GTF2H5: variants seen among roughly 807,000 people sequenced by gnomAD.
GTF2H5 encodes the protein TFB5 ortholog.
Under a neutral mutation model 7.1 loss-of-function variants are expected in GTF2H5, and 5 were observed. That is an observed-to-expected ratio of 0.71 (90% CI 0.37 to 1.49). GTF2H5 has a LOEUF of 1.49. Ranked by LOEUF, GTF2H5 falls within the 40% of genes most tolerant of loss-of-function variation. The probability of loss-of-function intolerance (pLI) is 0.03; values close to 1 mark genes in which losing one functional copy is unlikely to be tolerated. For synonymous variants in GTF2H5, 30 were observed against 31.7 expected, an observed-to-expected ratio of 0.95 and a Z score of 0.18; for missense variants, 80 against 83.0, an observed-to-expected ratio of 0.96 and a Z score of 0.14.
chr6:158,169,439 ATATATAT>A lies in GTF2H5; in HGVS notation c.-34-1016_-34-1010del, dbSNP rs1345280158. ...TATTATATATAATATATTGTATATT[ATATATAT>A]TATATATTATATATATTATATTGTA... On this transcript the variant is annotated intron_variant, in intron 1 of 2. Coordinates refer to ENST00000607778, the MANE Select transcript of GTF2H5 (RefSeq NM_207118.3). Among the ~76,000 whole-genome samples, 435 of 57,086 alleles carry A rather than the reference ATATATAT, an allele frequency of 7.6e-3. 47 individuals are homozygous for A. Among genetic ancestry groups the A allele is most frequent in the African/African-American group, 0.041 (396 of 9,676 alleles). 37.5% of individuals were successfully genotyped at this position (57,086 alleles called of 152,430 possible).
chr6:158,191,777 C>T (rs781641950), intron 2 of GTF2H5, among the ~76,000 whole-genome samples, 200 bp from the exon 3 acceptor site: 9 of 152,160 alleles, frequency 5.9e-5, no homozygotes, highest in Non-Finnish European at 1.0e-4. Flanking sequence ...CCATCGCACC[C>T]GGCCAACTTA....
At chr6:158,169,667 GTATATTATATAATA>G (rs1477596649) in intron 1 of GTF2H5, among the ~76,000 whole-genome samples, 10 of 51,202 alleles carry the variant, frequency 2.0e-4, no homozygotes, top group African/African-American at 8.5e-4. Flanking sequence ...ATAATATATT[GTATATTATATAATA>G]TATAATATAT....
rs547838370 is a variant in GTF2H5 at position 158,192,550 on chromosome 6, A to C, written c.*393A>C. 3.9e-6 allele frequency: 1 copy of C among 256,742 alleles called. No individual in the cohort carries two copies. Among genetic ancestry groups the C allele is most frequent in the East Asian group, 1.0e-4 (1 of 9,986 alleles). The allele number at this position is 256,742 out of a possible 1,614,324, so 15.9% of individuals were successfully genotyped here. On this transcript the variant is annotated 3_prime_UTR_variant, in exon 3 of 3. Coordinates refer to ENST00000607778, the MANE Select transcript of GTF2H5 (RefSeq NM_207118.3). The stretch of plus-strand genomic sequence containing the variant: ...AGAAACGTCATAGATTTGCTGTTTG[A>C]ATATGCCAAGGTGGGGACTTAGACA...
At chr6:158,171,444 G>A (rs567682755) in intron 2 of GTF2H5, among the ~76,000 whole-genome samples, 5 of 152,330 alleles carry the variant, frequency 3.3e-5, no homozygotes, top group Admixed American at 3.3e-4. Flanking sequence ...GCATAGTGCA[G>A]ATTTGGAGTT....
chr6:158,170,390 G>A, intron 1 of GTF2H5, 80 bp from the exon 2 acceptor site: 1 of 770,934 alleles, frequency 1.3e-6, no homozygotes, highest in Non-Finnish European at 2.3e-6. Context: ...TAATTATTTT[G>A]CCTCGTTTCA....
At chr6:158,170,421 A>G (rs867457560) in intron 1 of GTF2H5, 49 bp from the exon 2 acceptor site, 4 of 1,112,476 alleles carry the variant, frequency 3.6e-6, no homozygotes, top group Admixed American at 3.5e-5. Context: ...CCCAAAGTAT[A>G]TGAAAGTTAA....
Position 158,197,299 on chromosome 6 carries a change from C to T in GTF2H5, c.*5142C>T, listed in dbSNP as rs1286507507. 1.0e-5 allele frequency: 2 copies of T among 195,408 alleles called. No homozygotes were observed. The highest frequency in any genetic ancestry group is 2.4e-5 in the African/African-American group (1 of 42,114). 12.1% of individuals were successfully genotyped at this position (195,408 alleles called of 1,614,324 possible). A position where few individuals can be genotyped will look rare whatever the true frequency, so the allele number is the denominator to read the frequency against. On this transcript the variant is annotated 3_prime_UTR_variant, in exon 3 of 3. Transcript: ENST00000607778. ...AATGCAGAAAGAAAAGCACAGTCGTCATGCAAAATAGTCACTACTCATTCA... is the reference window on the plus strand; with the variant it reads ...AATGCAGAAAGAAAAGCACAGTCGTTATGCAAAATAGTCACTACTCATTCA...
intron 2 of GTF2H5, among the ~76,000 whole-genome samples, chr6:158,175,694 G>A (rs939676463): frequency 3.3e-5 from 5 of 152,024 alleles, no homozygotes; most frequent in African/African-American, 1.2e-4. Flanking sequence ...AACCCAAGAG[G>A]CAGAGGTTGC....
In GTF2H5 at chr6:158,197,818, T is replaced by C. The variant is rs1206073034; in HGVS notation, c.*5661T>C. The C allele has an allele frequency of 6.6e-6, 1 of 152,124 alleles. No homozygotes were observed. The highest frequency in any genetic ancestry group is 6.6e-5 in the Admixed American group (1 of 15,266). 9.4% of individuals were successfully genotyped at this position (152,124 alleles called of 1,614,324 possible). A position where few individuals can be genotyped will look rare whatever the true frequency, so the allele number is the denominator to read the frequency against. The stretch of plus-strand genomic sequence containing the variant: ...TCCTGATTTGGCTCCTTCTGACTTC[T>C]TTTTGTTTCCCAATCTTAAAAAAAT... On this transcript the variant is annotated 3_prime_UTR_variant, in exon 3 of 3. Coordinates refer to ENST00000607778, the MANE Select transcript of GTF2H5 (RefSeq NM_207118.3).
At chr6:158,186,130 A>G (rs1776918161) in intron 2 of GTF2H5, among the ~76,000 whole-genome samples, 1 of 152,242 alleles carries the variant, frequency 6.6e-6, no homozygotes, top group African/African-American at 2.4e-5. Context: ...TTAAAGAAAA[A>G]TATTAAGTGA....
At chr6:158,170,601 G>A (rs1023556771) in intron 2 of GTF2H5, 63 bp downstream of exon 2, 7 of 1,142,198 alleles carry the variant, frequency 6.1e-6, no homozygotes, top group Admixed American at 5.1e-5. Flanking sequence ...TTGTATGTAT[G>A]TCTTTTCTAA....
intron 2 of GTF2H5, among the ~76,000 whole-genome samples, chr6:158,175,603 A>G (rs1309936118): frequency 1.3e-5 from 2 of 152,142 alleles, no homozygotes; most frequent in Admixed American, 6.5e-5. Flanking sequence ...GTCTCTACTA[A>G]AAATACAAAA....
chr6:158,169,745 T>TAA (rs374070331), intron 1 of GTF2H5, among the ~76,000 whole-genome samples: 1,935 of 54,040 alleles, frequency 0.036, 220 homozygotes, highest in African/African-American at 0.089. Flanking sequence ...ATATTATATA[T>TAA]TATATAATAT....
chr6:158,181,436 C>T (rs894251360), intron 2 of GTF2H5, among the ~76,000 whole-genome samples: 11 of 152,136 alleles, frequency 7.2e-5, no homozygotes, highest in African/African-American at 2.7e-4. Flanking sequence ...TGTTAATTTT[C>T]TGTCTCATTG....
intron 1 of GTF2H5, among the ~76,000 whole-genome samples, chr6:158,169,443 A>G (rs1184137626): frequency 2.4e-5 from 2 of 82,156 alleles, no homozygotes; most frequent in African/African-American, 5.9e-5. Context: ...TATATTATAT[A>G]TATTATATAT....
In GTF2H5 at chr6:158,199,183, G is replaced by A. The variant is rs1251364850; in HGVS notation, c.*7026G>A. The A allele has an allele frequency of 6.6e-6, 1 of 151,398 alleles. No individual in the cohort carries two copies. The highest frequency in any genetic ancestry group is 1.5e-5 in the Non-Finnish European group (1 of 68,008). 9.4% of individuals were successfully genotyped at this position (151,398 alleles called of 1,614,324 possible). On this transcript the variant is annotated 3_prime_UTR_variant, in exon 3 of 3. Coordinates refer to ENST00000607778, the MANE Select transcript of GTF2H5 (RefSeq NM_207118.3). Reference sequence around the variant, plus strand: ...TTTAATCTTGGCTACTGAGCTTTTGGTTACGTTGCACTCCCTTTAAAATTA... The same window carrying A: ...TTTAATCTTGGCTACTGAGCTTTTGATTACGTTGCACTCCCTTTAAAATTA...
chr6:158,174,219 C>T (rs945800887), intron 2 of GTF2H5, among the ~76,000 whole-genome samples: 2 of 152,114 alleles, frequency 1.3e-5, no homozygotes, highest in African/African-American at 2.4e-5. Flanking sequence ...TCTCCAAATT[C>T]CAGTCCCATC....
At position 158,173,320 on chromosome 6, in the gene GTF2H5, A is replaced by G. The variant is rs144799219; in HGVS notation, c.35+2782A>G. 5.9e-3 allele frequency among the ~76,000 whole-genome samples: 902 copies of G among 152,312 alleles called. 7 individuals are homozygous for G. Among genetic ancestry groups the G allele is most frequent in the Admixed American group, 0.016 (238 of 15,288 alleles). ...TCAAAAGGGTAACTCTGTCTTCCCA[A>G]AAACACAAGTCTTCCAAAAAGATTT... On this transcript the variant is annotated intron_variant, in intron 2 of 2. Coordinates refer to ENST00000607778, the MANE Select transcript of GTF2H5 (RefSeq NM_207118.3).
At chr6:158,172,138 T>G (rs943202353) in intron 2 of GTF2H5, among the ~76,000 whole-genome samples, 5 of 152,104 alleles carry the variant, frequency 3.3e-5, no homozygotes, top group African/African-American at 4.8e-5. Context: ...GGGTTTTGTG[T>G]TTTTCTTGGT....
Sources: gnomAD v4.1 joint callset for allele counts (sites outside exome capture counted in the v4.1 genomes callset) on GRCh38, gnomAD v4.1.1 for gene constraint, MANE v1.5 for transcripts, NCBI Gene and HGNC (gene_info 2026-07-23, HGNC 2026-07-21) for gene names.